The following CFAP299 variants were observed in gnomAD, a reference collection of about 807,000 sequenced individuals.
The protein encoded by CFAP299 is cilia and flagella associated protein 299.
A neutral mutation model predicts 27.0 loss-of-function variants in CFAP299; 21 were observed. The ratio of observed to expected loss-of-function variants is 0.78; its 90% CI spans 0.55 to 1.12. The LOEUF (loss-of-function observed/expected upper bound fraction) is 1.12. CFAP299 is among the 50% of genes most tolerant of loss of function. The pLI is 0.00. For synonymous variants in CFAP299, 104 were observed against 98.1 expected, an observed-to-expected ratio of 1.06 and a Z score of -0.36; for missense variants, 310 against 276.6, an observed-to-expected ratio of 1.12 and a Z score of -0.86.
At chr4:80,642,842 C>G (rs1315053004) in intron 3 of CFAP299, among the ~76,000 whole-genome samples, 1 of 152,090 alleles carries the variant, frequency 6.6e-6, no homozygotes, top group Admixed American at 6.6e-5. Context: ...AGACCCTACT[C>G]TAAATGCTGG....
chr4:80,837,248 G>A, intron 3 of CFAP299, among the ~76,000 whole-genome samples: 1 of 152,168 alleles, frequency 6.6e-6, no homozygotes, highest in African/African-American at 2.4e-5. Context: ...AAATTCTACT[G>A]TCACCAAGTT....
intron 3 of CFAP299, among the ~76,000 whole-genome samples, chr4:80,843,032 A>G (rs2110140365): frequency 6.6e-6 from 1 of 151,688 alleles, no homozygotes; most frequent in African/African-American, 2.4e-5. Flanking sequence ...ACTATTTCCT[A>G]TGTCATTTCC....
At chr4:80,556,685 G>A (rs1734800921) in intron 2 of CFAP299, among the ~76,000 whole-genome samples, 1 of 151,840 alleles carries the variant, frequency 6.6e-6, no homozygotes, top group African/African-American at 2.4e-5. Context: ...TTTGCTGTTG[G>A]AAAGTCTGTC....
At chr4:80,624,412 A>G (rs922804966) in intron 3 of CFAP299, among the ~76,000 whole-genome samples, 24 of 152,034 alleles carry the variant, frequency 1.6e-4, no homozygotes, top group African/African-American at 4.3e-4. Flanking sequence ...AGGATCTGTG[A>G]AACTGAAGGG....
intron 4 of CFAP299, among the ~76,000 whole-genome samples, chr4:80,898,182 C>G (rs937355506): frequency 3.3e-5 from 5 of 152,036 alleles, no homozygotes; most frequent in Admixed American, 6.6e-5. Flanking sequence ...GACCAGTGAC[C>G]AAGAAAAATG....
At chr4:80,759,467 A>C (rs1578097772) in intron 3 of CFAP299, among the ~76,000 whole-genome samples, 1 of 152,160 alleles carries the variant, frequency 6.6e-6, no homozygotes, top group Non-Finnish European at 1.5e-5. Context: ...AACTGTCATC[A>C]TGGTTGTGCT....
intron 2 of CFAP299, among the ~76,000 whole-genome samples, chr4:80,430,127 G>A (rs558560451): frequency 6.6e-6 from 1 of 152,118 alleles, no homozygotes; most frequent in East Asian, 1.9e-4. Flanking sequence ...ATTCATAAAT[G>A]AGATTCATTT....
intron 2 of CFAP299, among the ~76,000 whole-genome samples, chr4:80,400,111 G>A (rs967116356): frequency 1.3e-5 from 2 of 152,066 alleles, no homozygotes; most frequent in African/African-American, 2.4e-5. Context: ...GTCTCTTTAT[G>A]TCTGTATGTT....
At chr4:80,893,403 G>A (rs1258951514) in intron 4 of CFAP299, among the ~76,000 whole-genome samples, 1 of 151,626 alleles carries the variant, frequency 6.6e-6, no homozygotes, top group Admixed American at 6.6e-5. Flanking sequence ...TATGAAAAAC[G>A]TCAAATACCC....
At chr4:80,562,509 G>C (rs369227224) in intron 2 of CFAP299, among the ~76,000 whole-genome samples, 1 of 151,372 alleles carries the variant, frequency 6.6e-6, no homozygotes, top group Non-Finnish European at 1.5e-5. Context: ...GCCTTTGTTA[G>C]GCTCTAACCA....
chr4:80,940,518 G>A (rs374119253), intron 4 of CFAP299, among the ~76,000 whole-genome samples: 1 of 152,074 alleles, frequency 6.6e-6, no homozygotes, highest in African/African-American at 2.4e-5. Flanking sequence ...CCACGAACGG[G>A]GTTCTAGAAT....
At chr4:80,747,586 T>A (rs1036300821) in intron 3 of CFAP299, among the ~76,000 whole-genome samples, 1 of 152,088 alleles carries the variant, frequency 6.6e-6, no homozygotes, top group African/African-American at 2.4e-5. Context: ...CTTATTATTA[T>A]TATTTGCATT....
intron 3 of CFAP299, among the ~76,000 whole-genome samples, chr4:80,712,178 G>A (rs1722214083): frequency 6.6e-6 from 1 of 152,120 alleles, no homozygotes; most frequent in Non-Finnish European, 1.5e-5. Context: ...AACATGCTAT[G>A]TTATGTATTT....
At chr4:80,521,750 A>T (rs1055916103) in intron 2 of CFAP299, among the ~76,000 whole-genome samples, 1 of 151,904 alleles carries the variant, frequency 6.6e-6, no homozygotes, top group Non-Finnish European at 1.5e-5. Context: ...TTAGCAAAAT[A>T]TCCACAAGGT....
chr4:80,667,155 T>A (rs1487402963), intron 3 of CFAP299, among the ~76,000 whole-genome samples: 1 of 152,164 alleles, frequency 6.6e-6, no homozygotes, highest in African/African-American at 2.4e-5. Context: ...ATAAGAAAAG[T>A]CATAGTGTTT....
chr4:80,493,339 C>T (rs945246198), intron 2 of CFAP299, among the ~76,000 whole-genome samples: 5 of 152,336 alleles, frequency 3.3e-5, no homozygotes, highest in African/African-American at 1.2e-4. Context: ...ATTCTTATCC[C>T]TGATGCACGT....
At chr4:80,915,369 C>T (rs2110206786) in intron 4 of CFAP299, among the ~76,000 whole-genome samples, 1 of 151,802 alleles carries the variant, frequency 6.6e-6, no homozygotes, top group South Asian at 2.1e-4. Context: ...ACCCTTTTTT[C>T]TCTGCATGTG....
intron 2 of CFAP299, among the ~76,000 whole-genome samples, chr4:80,556,603 C>G (rs1480840157): frequency 1.3e-5 from 2 of 151,930 alleles, no homozygotes; most frequent in South Asian, 2.1e-4. Context: ...CGATATGTCT[C>G]TCTTGGATTT....
chr4:80,750,278 G>A (rs1363704634), intron 3 of CFAP299, among the ~76,000 whole-genome samples: 2 of 152,010 alleles, frequency 1.3e-5, no homozygotes, highest in African/African-American at 4.8e-5. Context: ...GATATAAATT[G>A]CTAAGTGCTT....
Sources: gnomAD v4.1 joint callset for allele counts (sites outside exome capture counted in the v4.1 genomes callset) on GRCh38, gnomAD v4.1.1 for gene constraint, MANE v1.5 for transcripts, NCBI Gene and HGNC (gene_info 2026-07-23, HGNC 2026-07-21) for gene names.